Variants in ZFAND3 observed in about 807,000 individuals in gnomAD.
ZFAND3 encodes the protein AN1-type zinc finger protein 3.
ZFAND3 carries 10 observed loss-of-function variants against 29.6 expected under a neutral mutation model. That is an observed-to-expected ratio of 0.34 (90% confidence interval 0.21 to 0.57). The LOEUF (loss-of-function observed/expected upper bound fraction) is 0.57. Ranked by LOEUF, ZFAND3 falls within the 20% of genes least tolerant of loss-of-function variation. The pLI is 0.86. For synonymous variants in ZFAND3, 128 were observed against 112.6 expected (o/e 1.14, Z -0.87); for missense variants, 230 against 304.5 (o/e 0.76, Z 1.82).
At chr6:37,820,660 G>C (rs1210041356) in intron 1 of ZFAND3, among the ~76,000 whole-genome samples, 3 of 152,082 alleles carry the variant, frequency 2.0e-5, no homozygotes, top group African/African-American at 7.2e-5. Context: ...TGTCAAAAAG[G>C]AAGAAAAAAA....
rs576662340 is a variant in ZFAND3 at position 38,078,002 on chromosome 6, A to C, written c.296-4390A>C. Among the ~76,000 whole-genome samples the C allele has an allele frequency of 1.8e-4, 27 of 152,320 alleles. No homozygotes were observed. The South Asian group carries it at 3.7e-3, about 21-fold the overall frequency. Reference sequence around the variant, plus strand: ...TTCACTTTGAAATGTGTGTGTTGATAGTTAATGGGGTATCTTTATTTACTT... The same window carrying C: ...TTCACTTTGAAATGTGTGTGTTGATCGTTAATGGGGTATCTTTATTTACTT... On this transcript the variant is annotated intron_variant, in intron 3 of 5. Coordinates refer to ENST00000287218, the MANE Select transcript of ZFAND3 (RefSeq NM_021943.3).
At chr6:38,110,589 C>T (rs1293788502) in intron 4 of ZFAND3, among the ~76,000 whole-genome samples, 1 of 152,120 alleles carries the variant, frequency 6.6e-6, no homozygotes, top group Non-Finnish European at 1.5e-5. Context: ...AATTATTGCT[C>T]TTACTGATGT....
chr6:37,886,383 A>G (rs1429219397), intron 1 of ZFAND3, among the ~76,000 whole-genome samples: 1 of 152,124 alleles, frequency 6.6e-6, no homozygotes, highest in African/African-American at 2.4e-5. Flanking sequence ...TCTTAGGTAA[A>G]TCACTTGTGC....
intron 2 of ZFAND3, among the ~76,000 whole-genome samples, chr6:37,982,436 G>A (rs1762596021): frequency 6.6e-6 from 1 of 152,112 alleles, no homozygotes; most frequent in Non-Finnish European, 1.5e-5. Context: ...GAAAGATGAT[G>A]CAAATATAGT....
At chr6:38,144,157 TGCTAGAAAAATGTGATATATATATATA>T (rs1766019210) in intron 5 of ZFAND3, among the ~76,000 whole-genome samples, 1 of 113,858 alleles carries the variant, frequency 8.8e-6, no homozygotes, top group Non-Finnish European at 1.8e-5. Flanking sequence ...ATTATTACCT[TGCTAGAAAAATGTGATATATATATATA>T]ATATATATAT....
In ZFAND3 at chr6:38,041,808, T is replaced by TTC. The variant is rs1554169172; in HGVS notation, c.113-19784_113-19783insCT. 5.2e-3 allele frequency among the ~76,000 whole-genome samples: 6 copies of TTC among 1,144 alleles called. 3 individuals carry two copies. The highest frequency in any genetic ancestry group is 0.12 in the Admixed American group (2 of 16). 0.8% of individuals were successfully genotyped at this position (1,144 alleles called of 152,430 possible). On this transcript the variant is annotated intron_variant, in intron 2 of 5. Transcript: ENST00000287218. ...CTTCTTTCTTCTTCTTCTCCTCTTC[T>TTC]TTCTTCTTCTTCTCCTCCTTTTTTT...
chr6:38,101,630 C>T (rs1373754531), intron 4 of ZFAND3, among the ~76,000 whole-genome samples: 6 of 151,608 alleles, frequency 4.0e-5, no homozygotes, highest in Admixed American at 1.3e-4. Context: ...AAAAATTACC[C>T]GGGCATGGTG....
At chr6:38,090,587 C>T (rs1764847128) in intron 4 of ZFAND3, among the ~76,000 whole-genome samples, 1 of 152,126 alleles carries the variant, frequency 6.6e-6, no homozygotes, top group Admixed American at 6.5e-5. Flanking sequence ...CAGTTCTCAC[C>T]AAAGTTTATC....
chr6:37,981,857 C>T (rs1762585892), intron 2 of ZFAND3, among the ~76,000 whole-genome samples: 1 of 152,072 alleles, frequency 6.6e-6, no homozygotes, highest in Non-Finnish European at 1.5e-5. Context: ...TCAGGGCACA[C>T]ACAGCTTGGT....
chr6:37,992,454 T>G (rs1014978335), intron 2 of ZFAND3, among the ~76,000 whole-genome samples: 2 of 152,188 alleles, frequency 1.3e-5, no homozygotes, highest in Non-Finnish European at 2.9e-5. Flanking sequence ...AATTCCTATG[T>G]ATCTTTCACT....
rs1343006066 is a variant in ZFAND3, at chr6:38,060,115, TA to T, written c.113-1475del. ...AACCCAGATTGAAAATACGGGATGC[TA>T]AACCTGTGTATATGGAGGACCAGTA... On this transcript the variant is annotated intron_variant, in intron 2 of 5. Coordinates refer to ENST00000287218, the MANE Select transcript of ZFAND3 (RefSeq NM_021943.3). Among the ~76,000 whole-genome samples the T allele has an allele frequency of 2.0e-5, 3 of 152,282 alleles. 1 individual carries two copies. Among genetic ancestry groups the T allele is most frequent in the Non-Finnish European group, 4.4e-5 (3 of 68,018 alleles).
chr6:37,875,355 G>A (rs1186270939), intron 1 of ZFAND3, among the ~76,000 whole-genome samples: 2 of 152,130 alleles, frequency 1.3e-5, no homozygotes, highest in Non-Finnish European at 2.9e-5. Flanking sequence ...TTTGATGAAA[G>A]TGTTATTTTA....
intron 2 of ZFAND3, among the ~76,000 whole-genome samples, chr6:37,941,022 A>G (rs1167594967): frequency 1.3e-5 from 2 of 152,372 alleles, no homozygotes; most frequent in South Asian, 2.1e-4. Context: ...AGATTGCTGC[A>G]GCCCTTTTAT....
intron 2 of ZFAND3, among the ~76,000 whole-genome samples, chr6:38,016,680 A>G (rs1036192640): frequency 6.6e-6 from 1 of 152,238 alleles, no homozygotes; most frequent in Non-Finnish European, 1.5e-5. Flanking sequence ...ACAAGAACAC[A>G]TACATGGTAT....
intron 1 of ZFAND3, among the ~76,000 whole-genome samples, chr6:37,911,749 C>G (rs1032917949): frequency 6.6e-6 from 1 of 152,176 alleles, no homozygotes; most frequent in South Asian, 2.1e-4. Context: ...ACAGAAACCA[C>G]TGATTCTTGT....
intron 2 of ZFAND3, among the ~76,000 whole-genome samples, chr6:38,041,631 TTTCTTCTTCTTCTTCTTCTTCTTCTTC>T (rs1193585476): frequency 1.8e-5 from 1 of 56,196 alleles, no homozygotes; most frequent in Non-Finnish European, 4.6e-5. Flanking sequence ...TTATCTACTT[TTTCTTCTTCTTCTTCTTCTTCTTCTTC>T]TTCTTCTTCT....
intron 4 of ZFAND3, among the ~76,000 whole-genome samples, chr6:38,104,671 C>A (rs563971266): frequency 3.3e-5 from 5 of 152,104 alleles, no homozygotes; most frequent in Non-Finnish European, 7.3e-5. Flanking sequence ...TGTGAGAAGT[C>A]TTATAAATCA....
At chr6:37,986,222 C>G (rs1358204166) in intron 2 of ZFAND3, among the ~76,000 whole-genome samples, 1 of 152,110 alleles carries the variant, frequency 6.6e-6, no homozygotes, top group Non-Finnish European at 1.5e-5. Context: ...ATTAGACTGG[C>G]AGGTATCCTT....
At chr6:38,012,375 G>GTTTTTT in intron 2 of ZFAND3, among the ~76,000 whole-genome samples, 1 of 140,030 alleles carries the variant, frequency 7.1e-6, no homozygotes, top group African/African-American at 2.6e-5. Flanking sequence ...CTTTTTGATA[G>GTTTTTT]TATTTTTTTT....
Sources: allele counts gnomAD v4.1 joint callset (sites outside exome capture counted in the v4.1 genomes callset), GRCh38; gene constraint gnomAD v4.1.1; transcripts MANE v1.5; gene names NCBI Gene and HGNC (gene_info 2026-07-23, HGNC 2026-07-21).